Variants in CNIH3 observed in about 807,000 individuals in gnomAD.
CNIH3 encodes the protein protein cornichon homolog 3.
A neutral mutation model predicts 24.1 loss-of-function variants in CNIH3; 14 were observed. That is an observed-to-expected ratio of 0.58 (90% CI 0.38 to 0.91). CNIH3 has a LOEUF of 0.91. CNIH3 is among the 40% of genes least tolerant of loss of function. The pLI is 0.00. For missense variants in CNIH3, 178 were observed against 196.8 expected, an observed-to-expected ratio of 0.90 and a Z score of 0.57; for synonymous variants, 68 against 73.8, an observed-to-expected ratio of 0.92 and a Z score of 0.40.
At chr1:224,596,045 A>G (rs1197317600) in intron 3 of CNIH3, among the ~76,000 whole-genome samples, 4 of 152,232 alleles carry the variant, frequency 2.6e-5, no homozygotes, top group Non-Finnish European at 4.4e-5. Context: ...AGGTCTAGCT[A>G]AGATCATTGA....
intron 1 of CNIH3, among the ~76,000 whole-genome samples, chr1:224,501,781 G>A (rs781508385): frequency 3.3e-5 from 5 of 151,946 alleles, no homozygotes; most frequent in Non-Finnish European, 5.9e-5. Context: ...GGGTTTTACT[G>A]TGTTGCCCAG....
chr1:224,582,917 C>T (rs1399425388), intron 4 of CNIH3, among the ~76,000 whole-genome samples: 1 of 152,136 alleles, frequency 6.6e-6, no homozygotes, highest in Non-Finnish European at 1.5e-5. Context: ...CCATGGTACT[C>T]GGCCACATTG....
intron 3 of CNIH3, among the ~76,000 whole-genome samples, chr1:224,564,037 G>A (rs112123961): frequency 0.012 from 1,769 of 152,270 alleles, 34 homozygotes; most frequent in African/African-American, 0.04. Flanking sequence ...TCCCCACTTT[G>A]AAAAGACCCA....
intron 1 of CNIH3, among the ~76,000 whole-genome samples, chr1:224,452,977 G>A (rs112795740): frequency 0.29 from 42,671 of 149,412 alleles, 7,572 homozygotes; most frequent in African/African-American, 0.5. Context: ...AAAATTAGCC[G>A]GTTTTGGTGG....
intron 1 of CNIH3, among the ~76,000 whole-genome samples, chr1:224,637,276 G>A (rs1248184368): frequency 6.6e-6 from 1 of 152,074 alleles, no homozygotes; most frequent in African/African-American, 2.4e-5. Context: ...TTACTTGTGA[G>A]CAGATATTTC....
chr1:224,620,075 A>T (rs1683208464), intron 1 of CNIH3, among the ~76,000 whole-genome samples: 1 of 152,182 alleles, frequency 6.6e-6, no homozygotes, highest in African/African-American at 2.4e-5. Flanking sequence ...TTTACTTTGA[A>T]AATTTATCTG....
chr1:224,623,736 TC>T, intron 1 of CNIH3, among the ~76,000 whole-genome samples: 1 of 152,286 alleles, frequency 6.6e-6, no homozygotes, highest in South Asian at 2.1e-4. Context: ...GCAGAGTCTG[TC>T]CCTCATCTGA....
chr1:224,515,405 T>C (rs1051621101), upstream of CNIH3, among the ~76,000 whole-genome samples: 21 of 152,242 alleles, frequency 1.4e-4, no homozygotes, highest in Non-Finnish European at 2.5e-4. Flanking sequence ...AATGGTTTCA[T>C]TACTGTTGTC....
chr1:224,549,108 AG>A (rs1341091671), intron 3 of CNIH3, among the ~76,000 whole-genome samples: 9 of 152,162 alleles, frequency 5.9e-5, no homozygotes, highest in Admixed American at 5.2e-4. Context: ...TACAAATATC[AG>A]AGCGATGATA....
chr1:224,633,750 G>T (rs975777811), intron 1 of CNIH3, among the ~76,000 whole-genome samples: 1 of 152,182 alleles, frequency 6.6e-6, no homozygotes, highest in East Asian at 1.9e-4. Flanking sequence ...CCCCCACCAG[G>T]ACTGCACTCA....
chr1:224,455,675 T>C (rs952267675), intron 1 of CNIH3, among the ~76,000 whole-genome samples: 1 of 152,150 alleles, frequency 6.6e-6, no homozygotes, highest in African/African-American at 2.4e-5. Flanking sequence ...GGGGATATAA[T>C]AGGAATAGCA....
chr1:224,539,650 C>T (rs1679435093), downstream of CNIH3, among the ~76,000 whole-genome samples: 1 of 152,158 alleles, frequency 6.6e-6, no homozygotes, highest in African/African-American at 2.4e-5. Context: ...CTGCCCCATA[C>T]TGGCCATACT....
At chr1:224,652,993 C>A (rs1684931639) in intron 1 of CNIH3, among the ~76,000 whole-genome samples, 1 of 152,214 alleles carries the variant, frequency 6.6e-6, no homozygotes, top group African/African-American at 2.4e-5. Context: ...ACCGGAAGGC[C>A]AGCTGGAGGA....
chr1:224,496,893 A>G (rs893234449), intron 1 of CNIH3, among the ~76,000 whole-genome samples: 2 of 152,256 alleles, frequency 1.3e-5, no homozygotes, highest in African/African-American at 4.8e-5. Flanking sequence ...AGGTAATTGA[A>G]AACATATGTC....
chr1:224,482,892 C>G (rs896869304), intron 1 of CNIH3, among the ~76,000 whole-genome samples: 1 of 152,112 alleles, frequency 6.6e-6, no homozygotes, highest in African/African-American at 2.4e-5. Flanking sequence ...CCTGCGGTGA[C>G]AAGGCTTGCT....
rs1689564049 is a variant in CNIH3 at position 224,735,759 on chromosome 1, T to C, written c.455+1053T>C. 2.6e-5 allele frequency among the ~76,000 whole-genome samples: 4 copies of C among 152,260 alleles called. 1 individual carries two copies. The South Asian group carries it at 8.3e-4, about 32-fold the overall frequency. ...GCAGCCTTGAACTTGGCTCAAGTGATTCTCCCACCTTAACCTGAGTAGCTG... is the reference window on the plus strand; with the variant it reads ...GCAGCCTTGAACTTGGCTCAAGTGACTCTCCCACCTTAACCTGAGTAGCTG... On this transcript the variant is annotated intron_variant, in intron 5 of 5. Coordinates refer to ENST00000272133, the MANE Select transcript of CNIH3 (RefSeq NM_152495.2).
At chr1:224,665,063 G>A (rs1685532758) in intron 1 of CNIH3, among the ~76,000 whole-genome samples, 1 of 152,086 alleles carries the variant, frequency 6.6e-6, no homozygotes, top group Admixed American at 6.5e-5. Flanking sequence ...TAAACCATCT[G>A]AAATAATTTT....
chr1:224,728,044 T>C (rs1689126395), intron 3 of CNIH3, among the ~76,000 whole-genome samples: 1 of 151,906 alleles, frequency 6.6e-6, no homozygotes, highest in African/African-American at 2.4e-5. Context: ...GAAGAAGCAG[T>C]GGTGATTAAG....
intron 2 of CNIH3, among the ~76,000 whole-genome samples, chr1:224,526,193 A>C (rs1055544519): frequency 1.3e-5 from 2 of 152,240 alleles, no homozygotes; most frequent in African/African-American, 4.8e-5. Context: ...CCTCCTCAGC[A>C]TCTGGCTAAC....
Sources: allele counts gnomAD v4.1 joint callset (sites outside exome capture counted in the v4.1 genomes callset), GRCh38; gene constraint gnomAD v4.1.1; transcripts MANE v1.5; gene names NCBI Gene and HGNC (gene_info 2026-07-23, HGNC 2026-07-21).